The following PSD4 variants were observed in gnomAD, a reference collection of about 807,000 sequenced individuals.
PSD4 encodes pleckstrin and Sec7 domain containing 4, also known as PH and SEC7 domain-containing protein 4.
In PSD4, 59 loss-of-function variants were observed where a neutral mutation model predicts 112.5. The observed-to-expected ratio is 0.52, with a 90% confidence interval of 0.43 to 0.65. The LOEUF (loss-of-function observed/expected upper bound fraction) is 0.65, where lower values mean the gene tolerates loss of function less well. PSD4 is among the 30% of genes least tolerant of loss of function. The probability of loss-of-function intolerance (pLI) is 0.00; values close to 1 mark genes in which losing one functional copy is unlikely to be tolerated. For synonymous variants in PSD4, 533 were observed against 540.0 expected (o/e 0.99, Z 0.18); for missense variants, 1,267 against 1,352.6 (o/e 0.94, Z 0.99).
At chr2:113,197,655 CCT>C in intron 13 of PSD4, 21 bp downstream of exon 13, 2 of 1,614,114 alleles carry the variant, frequency 1.2e-6, no homozygotes, top group South Asian at 1.1e-5. Flanking sequence ...AGCCAACACC[CCT>C]GTCAGAATGG....
rs763862893 is a variant in PSD4 at position 113,182,481 on chromosome 2, G to A, written c.25G>A (p.Asp9Asn). ...GATGATGGGTGACTACAGACTCCCT[G>A]ACCACCCCCAGCCCATGGAAATTCT... The part of the protein sequence containing the change: MMGDYRLP[D>N]HPQPMEILNL... Residue 9 changes from aspartate to asparagine, a missense_variant, in exon 2 of 17, where the codon GAC becomes AAC. Physicochemically the swap from Asp to Asn is conservative, Grantham distance 23. Around this residue, in one of 2 missense-constraint regions of PSD4, gnomAD observed 723 missense variants for 704.0 expected, o/e 1.03. Transcript: ENST00000245796. 6.2e-7 allele frequency: 1 copy of A among 1,612,556 alleles called. No individual in the cohort carries two copies. Among genetic ancestry groups the A allele is most frequent in the East Asian group, 2.2e-5 (1 of 44,852 alleles).
At chr2:113,191,116 G>T (rs1688431864) in intron 5 of PSD4, among the ~76,000 whole-genome samples, 2 of 152,152 alleles carry the variant, frequency 1.3e-5, no homozygotes, top group South Asian at 4.1e-4. Flanking sequence ...TAAGGAAGAT[G>T]GTTCTTTGGT....
At chr2:113,201,038 T>A in intron 16 of PSD4, 120 bp from the exon 17 acceptor site, 1 of 1,375,516 alleles carries the variant, frequency 7.3e-7, no homozygotes, top group Non-Finnish European at 9.9e-7. Flanking sequence ...TCCAGCCCTC[T>A]TTCTGTCGAG....
chr2:113,185,798 A>C (rs1447753009), intron 4 of PSD4, 79 bp from the exon 5 acceptor site: 43 of 1,554,902 alleles, frequency 2.8e-5, no homozygotes, highest in Non-Finnish European at 3.4e-5. Flanking sequence ...AGCCCCAGGG[A>C]GGGAGCCTCT....
At chr2:113,196,805 G>T (rs970087513) in intron 12 of PSD4, among the ~76,000 whole-genome samples, 4 of 152,190 alleles carry the variant, frequency 2.6e-5, no homozygotes, top group Non-Finnish European at 5.9e-5. Flanking sequence ...AGCCGAGTTT[G>T]CTCAGAACAT....
At chr2:113,189,074 C>T (rs776469915) in intron 5 of PSD4, among the ~76,000 whole-genome samples, 1 of 152,232 alleles carries the variant, frequency 6.6e-6, no homozygotes, top group East Asian at 1.9e-4. Context: ...ACCCTTTACC[C>T]CTGAGTCTCC....
At chr2:113,198,118 C>T in intron 14 of PSD4, 1 of 623,446 alleles carries the variant, frequency 1.6e-6, no homozygotes, top group African/African-American at 1.8e-5. Flanking sequence ...TCCTCCCCAT[C>T]CTTGGCCAAC....
At chr2:113,187,193 C>T (rs558911709) in intron 5 of PSD4, among the ~76,000 whole-genome samples, 245 of 152,330 alleles carry the variant, frequency 1.6e-3, no homozygotes, top group Non-Finnish European at 2.7e-3. Flanking sequence ...TGGGGCCCTG[C>T]GCTTCCTCAG....
At chr2:113,180,840 A>G (rs1325588579) in intron 1 of PSD4, among the ~76,000 whole-genome samples, 1 of 152,164 alleles carries the variant, frequency 6.6e-6, no homozygotes, top group East Asian at 1.9e-4. Flanking sequence ...GCTCCCCAAA[A>G]TATTCTAATA....
intron 1 of PSD4, among the ~76,000 whole-genome samples, chr2:113,177,954 A>G (rs1043286880): frequency 2.6e-5 from 4 of 152,194 alleles, no homozygotes; most frequent in African/African-American, 4.8e-5. Flanking sequence ...GCTGTGGCTC[A>G]TGCCTATAAT....
At chr2:113,201,029 C>A in intron 16 of PSD4, 129 bp from the exon 17 acceptor site, 1 of 1,276,644 alleles carries the variant, frequency 7.8e-7, no homozygotes, top group Non-Finnish European at 1.1e-6. Context: ...CACGGTTGGT[C>A]CAGCCCTCTT....
At chr2:113,193,020 A>G in intron 6 of PSD4, 28 bp from the exon 7 acceptor site, 3 of 1,605,214 alleles carry the variant, frequency 1.9e-6, no homozygotes, top group Non-Finnish European at 2.6e-6. Context: ...CCCCTGGTGC[A>G]GACTCCATGC....
In PSD4 at chr2:113,208,748, C is replaced by T. The variant is rs1261265558; in HGVS notation, c.*7333C>T. On this transcript the variant is annotated 3_prime_UTR_variant, in exon 17 of 17. Coordinates refer to ENST00000245796, the MANE Select transcript of PSD4 (RefSeq NM_012455.3). ...TCCCTCTACATGTCCACATTCGCTG[C>T]TCTGACCCTGAGTTGGACCCAGCTA... is the stretch of plus-strand genomic sequence containing the variant. 1 of 152,276 alleles carries T rather than the reference C, an allele frequency of 6.6e-6. No homozygotes were observed. Among genetic ancestry groups the T allele is most frequent in the Non-Finnish European group, 1.5e-5 (1 of 68,072 alleles). The allele number at this position is 152,276 out of a possible 1,614,324, so 9.4% of individuals were successfully genotyped here. A position where few individuals can be genotyped will look rare whatever the true frequency, so the allele number is the denominator to read the frequency against.
intron 2 of PSD4, among the ~76,000 whole-genome samples, chr2:113,184,377 CTTTTT>C (rs10610865): frequency 8.0e-6 from 1 of 125,754 alleles, no homozygotes. Flanking sequence ...TCAGGACTTT[CTTTTT>C]TTTTTTTTTT....
At chr2:113,184,921 C>A in intron 2 of PSD4, 36 bp from the exon 3 acceptor site, 1 of 1,612,374 alleles carries the variant, frequency 6.2e-7, no homozygotes, top group Non-Finnish European at 8.5e-7. Flanking sequence ...CACCTCTCCT[C>A]TCCTTCTCTC....
At chr2:113,195,206 G>A (rs942672042) in intron 10 of PSD4, among the ~76,000 whole-genome samples, 15 of 150,288 alleles carry the variant, frequency 1.0e-4, no homozygotes, top group East Asian at 5.9e-4. Context: ...CTGCACTGTC[G>A]CGGGAGTGCA....
chr2:113,185,326 A>C lies in PSD4; in HGVS notation c.1174-39A>C, dbSNP rs1975535. 0.44 allele frequency: 713,312 copies of C among 1,611,620 alleles called. 163,262 individuals carry two copies. The highest frequency in any genetic ancestry group is 0.7 in the African/African-American group (52,397 of 74,846). ...CTCTCCCCCATCCACCTCTCTGTGT[A>C]TCCAGGGCTCATGGGAATGCCTTTG... On this transcript the variant is annotated intron_variant, in intron 3 of 16. Coordinates refer to ENST00000245796, the MANE Select transcript of PSD4 (RefSeq NM_012455.3).
chr2:113,192,306 T>C (rs564089644), intron 5 of PSD4, 74 bp from the exon 6 acceptor site: 1 of 1,470,608 alleles, frequency 6.8e-7, no homozygotes, highest in South Asian at 1.2e-5. Flanking sequence ...TTCAAGGCGC[T>C]GAGCTCGGGG....
chr2:113,198,967 G>A (rs1688694793), intron 15 of PSD4, 83 bp downstream of exon 15: 1 of 1,531,310 alleles, frequency 6.5e-7, no homozygotes, highest in Non-Finnish European at 8.7e-7. Flanking sequence ...GGAGGCTGGA[G>A]GCGGGCTGCG....
Sources: allele counts gnomAD v4.1 joint callset (sites outside exome capture counted in the v4.1 genomes callset), GRCh38; gene constraint gnomAD v4.1.1; regional missense constraint gnomAD v4.1.1; transcripts MANE v1.5; gene names NCBI Gene and HGNC (gene_info 2026-07-23, HGNC 2026-07-21).